PSD3: variants seen among roughly 807,000 people sequenced by gnomAD.
The protein encoded by PSD3 is pleckstrin and Sec7 domain containing 3, also known as PH and SEC7 domain-containing protein 3.
A neutral mutation model predicts 105.5 loss-of-function variants in PSD3; 49 were observed. The ratio of observed to expected loss-of-function variants is 0.46; its 90% CI spans 0.37 to 0.59. The LOEUF is 0.59. PSD3 is among the 20% of genes least tolerant of loss of function. The probability of loss-of-function intolerance (pLI) is 0.00; values close to 1 mark genes in which losing one functional copy is unlikely to be tolerated. For missense variants in PSD3, 1,561 were observed against 1,263.8 expected (o/e 1.24, Z -3.57); for synonymous variants, 557 against 457.8 (o/e 1.22, Z -2.77).
chr8:18,879,868 G>C (rs1447625142), intron 2 of PSD3, among the ~76,000 whole-genome samples: 2 of 152,090 alleles, frequency 1.3e-5, no homozygotes, highest in Non-Finnish European at 2.9e-5. Flanking sequence ...CAAAGTGCTG[G>C]GATTACGGCG....
intron 9 of PSD3, among the ~76,000 whole-genome samples, chr8:18,671,765 G>C (rs1799796841): frequency 6.6e-6 from 1 of 151,958 alleles, no homozygotes; most frequent in African/African-American, 2.4e-5. Context: ...CCGAATAGCT[G>C]GGACTATAGG....
chr8:18,551,430 T>C (rs962571562), intron 15 of PSD3, among the ~76,000 whole-genome samples: 12 of 152,226 alleles, frequency 7.9e-5, no homozygotes, highest in African/African-American at 2.9e-4. Context: ...TTTGCACATA[T>C]ATCAATTTTG....
intron 9 of PSD3, among the ~76,000 whole-genome samples, chr8:18,744,489 A>G (rs1257490283): frequency 6.6e-6 from 1 of 152,160 alleles, no homozygotes; most frequent in Non-Finnish European, 1.5e-5. Context: ...TCCTTCACTG[A>G]TCGAGATTTG....
chr8:18,694,074 A>T (rs190041606), intron 9 of PSD3, among the ~76,000 whole-genome samples: 18 of 152,370 alleles, frequency 1.2e-4, no homozygotes, highest in Middle Eastern at 3.4e-3. Context: ...TAAGGTAACT[A>T]GAGCACCTCA....
At chr8:18,821,966 T>C (rs1329374082) in intron 4 of PSD3, among the ~76,000 whole-genome samples, 1 of 151,104 alleles carries the variant, frequency 6.6e-6, no homozygotes, top group Non-Finnish European at 1.5e-5. Context: ...AATCGAGTTC[T>C]TTAACTTCTA....
At chr8:18,943,081 T>A (rs181869917) in intron 1 of PSD3, among the ~76,000 whole-genome samples, 11 of 152,258 alleles carry the variant, frequency 7.2e-5, no homozygotes, top group East Asian at 1.9e-4. Flanking sequence ...TTTTCCCAGC[T>A]GTGTACATGA....
At position 18,528,992 on chromosome 8, in the gene PSD3, G is replaced by A. The variant is rs555096069; in HGVS notation, c.*6751C>T. ...CTCTCTTACCAGTAAAGCTCAGAGG[G>A]GAGTGTGGACAAGGCACATCAGTGC... is the stretch of plus-strand genomic sequence containing the variant. On this transcript the variant is annotated 3_prime_UTR_variant, in exon 16 of 16. Transcript: ENST00000327040. 2.0e-5 allele frequency: 3 copies of A among 152,330 alleles called. No individual in the cohort carries two copies. The East Asian group carries it at 5.8e-4, about 29-fold the overall frequency. 9.4% of individuals were successfully genotyped at this position (152,330 alleles called of 1,614,324 possible).
intron 12 of PSD3, among the ~76,000 whole-genome samples, chr8:18,596,342 A>T (rs1262561663): frequency 6.6e-6 from 1 of 152,014 alleles, no homozygotes; most frequent in Admixed American, 6.6e-5. Flanking sequence ...ACACCAGATA[A>T]AGTAATGCAA....
chr8:18,578,566 G>A lies in PSD3; in HGVS notation c.2482-3281C>T, dbSNP rs981139189. 3.9e-5 allele frequency among the ~76,000 whole-genome samples: 6 copies of A among 152,092 alleles called. No individual in the cohort carries two copies. In the East Asian group the frequency reaches 1.2e-3, roughly 29 times the overall value. Reference sequence around the variant, plus strand: ...TATATATCACAATGTCTAACAAACTGCTACAGGTGAATAGGAAACACAAAA... The same window carrying A: ...TATATATCACAATGTCTAACAAACTACTACAGGTGAATAGGAAACACAAAA... On this transcript the variant is annotated intron_variant, in intron 12 of 15. Transcript: ENST00000327040.
chr8:18,852,489 G>C (rs1815667682), intron 4 of PSD3, among the ~76,000 whole-genome samples: 1 of 152,252 alleles, frequency 6.6e-6, no homozygotes, highest in African/African-American at 2.4e-5. Context: ...GCTGCCTATG[G>C]GGTACATGTG....
intron 12 of PSD3, among the ~76,000 whole-genome samples, chr8:18,584,619 A>G (rs146342587): frequency 6.6e-6 from 1 of 152,368 alleles, no homozygotes; most frequent in African/African-American, 2.4e-5. Context: ...TAAATGGCCA[A>G]TGAAGCAAGC....
intron 4 of PSD3, among the ~76,000 whole-genome samples, chr8:18,842,604 G>C (rs879810206): frequency 2.3e-4 from 35 of 152,110 alleles, no homozygotes; most frequent in Non-Finnish European, 4.7e-4. Flanking sequence ...GTGGTGGGAG[G>C]CACCTGTAGT....
chr8:18,689,111 A>G (rs1483074372), intron 9 of PSD3, among the ~76,000 whole-genome samples: 1 of 152,122 alleles, frequency 6.6e-6, no homozygotes, highest in East Asian at 1.9e-4. Context: ...GAAAAACTCA[A>G]CCTCTCAAAA....
At chr8:18,885,316 T>C (rs1184877750) in intron 2 of PSD3, among the ~76,000 whole-genome samples, 2 of 152,192 alleles carry the variant, frequency 1.3e-5, no homozygotes, top group African/African-American at 4.8e-5. Context: ...AAAAAAAAGT[T>C]TAAACTAAAC....
At chr8:18,832,215 C>A (rs1484787477) in intron 4 of PSD3, among the ~76,000 whole-genome samples, 1 of 152,128 alleles carries the variant, frequency 6.6e-6, no homozygotes, top group Non-Finnish European at 1.5e-5. Flanking sequence ...TGTATCACTG[C>A]AACCCTAAAG....
chr8:18,540,435 T>A (rs1800092711), intron 15 of PSD3, among the ~76,000 whole-genome samples: 1 of 152,152 alleles, frequency 6.6e-6, no homozygotes, highest in African/African-American at 2.4e-5. Flanking sequence ...TAGGAAATGA[T>A]TAGCACTCTA....
At chr8:18,773,607 A>G (rs527728077) in intron 8 of PSD3, among the ~76,000 whole-genome samples, 4 of 152,310 alleles carry the variant, frequency 2.6e-5, no homozygotes, top group African/African-American at 9.6e-5. Context: ...GTCCATGAAC[A>G]TGAAATATTT....
chr8:18,580,955 C>A (rs576086098), intron 12 of PSD3, among the ~76,000 whole-genome samples: 3 of 152,212 alleles, frequency 2.0e-5, no homozygotes, highest in African/African-American at 7.2e-5. Flanking sequence ...TTTGTAACAA[C>A]CAGAACTGGA....
chr8:18,719,856 T>C (rs1322561955), intron 9 of PSD3, among the ~76,000 whole-genome samples: 1 of 152,234 alleles, frequency 6.6e-6, no homozygotes, highest in African/African-American at 2.4e-5. Context: ...TATATTTTGC[T>C]TTGTCAAAGA....
Sources: allele counts gnomAD v4.1 joint callset (sites outside exome capture counted in the v4.1 genomes callset), GRCh38; gene constraint gnomAD v4.1.1; transcripts MANE v1.5; gene names NCBI Gene and HGNC (gene_info 2026-07-23, HGNC 2026-07-21).